Variants in ARID1B observed in about 807,000 individuals in gnomAD.
The protein encoded by ARID1B is AT-rich interactive domain-containing protein 1B.
Under a neutral mutation model 212.3 loss-of-function variants are expected in ARID1B, and 30 were observed. That is an observed-to-expected ratio of 0.14 (90% CI 0.11 to 0.19). The LOEUF is 0.19. Ranked by LOEUF, ARID1B falls within the 10% of genes least tolerant of loss-of-function variation. ARID1B has a pLI of 1.00. For synonymous variants in ARID1B, 1,402 were observed against 1,301.7 expected, an observed-to-expected ratio of 1.08 and a Z score of -1.66; for missense variants, 2,891 against 3,204.0, an observed-to-expected ratio of 0.90 and a Z score of 2.36.
chr6:156,827,754 C>CTTTTTTT (rs532857305), intron 1 of ARID1B, among the ~76,000 whole-genome samples: 5 of 68,450 alleles, frequency 7.3e-5, no homozygotes, highest in Admixed American at 2.1e-4. Flanking sequence ...CCTGGTAATT[C>CTTTTTTT]TTTTTTTTTT....
intron 8 of ARID1B, among the ~76,000 whole-genome samples, chr6:157,164,063 G>A (rs990783962): frequency 6.6e-6 from 1 of 152,156 alleles, no homozygotes; most frequent in Non-Finnish European, 1.5e-5. Context: ...CCTAGAATGT[G>A]CACCAGGCAT....
intron 4 of ARID1B, among the ~76,000 whole-genome samples, chr6:156,979,418 C>A (rs1405688830): frequency 6.6e-6 from 1 of 152,108 alleles, no homozygotes; most frequent in Non-Finnish European, 1.5e-5. Context: ...TTTGGGAGGA[C>A]AGGACAATGC....
At chr6:157,124,666 A>AT (rs1788015590) in intron 6 of ARID1B, among the ~76,000 whole-genome samples, 1 of 152,218 alleles carries the variant, frequency 6.6e-6, no homozygotes, top group Non-Finnish European at 1.5e-5. Flanking sequence ...ACTGTACATA[A>AT]TAAGGGTCAA....
chr6:156,841,879 C>G (rs186829871), intron 2 of ARID1B, among the ~76,000 whole-genome samples: 44 of 152,180 alleles, frequency 2.9e-4, no homozygotes, highest in South Asian at 1.0e-3. Context: ...CATTTCAGTT[C>G]CTTAGCGCCT....
chr6:156,930,373 A>G (rs1036930554), intron 3 of ARID1B, among the ~76,000 whole-genome samples: 5 of 152,136 alleles, frequency 3.3e-5, no homozygotes, highest in South Asian at 2.1e-4. Context: ...GCCTTCCACC[A>G]TGATTGGAAG....
chr6:156,982,555 G>T (rs1465574215), intron 4 of ARID1B, among the ~76,000 whole-genome samples: 2 of 151,312 alleles, frequency 1.3e-5, no homozygotes, highest in African/African-American at 2.4e-5. Context: ...TTATTCTGGT[G>T]CTCCTGGGTG....
chr6:156,991,254 G>T (rs1470646244), intron 4 of ARID1B, among the ~76,000 whole-genome samples: 1 of 152,126 alleles, frequency 6.6e-6, no homozygotes, highest in African/African-American at 2.4e-5. Flanking sequence ...TTTTTGAGAC[G>T]GAGTTTCTCT....
At chr6:156,981,801 G>A (rs1407402486) in intron 4 of ARID1B, among the ~76,000 whole-genome samples, 4 of 150,090 alleles carry the variant, frequency 2.7e-5, no homozygotes, top group Admixed American at 2.7e-4. Context: ...TCATTACCTC[G>A]TTTTTTTTTC....
intron 4 of ARID1B, among the ~76,000 whole-genome samples, chr6:156,990,645 G>GAACA (rs1000124883): frequency 5.3e-5 from 8 of 151,876 alleles, no homozygotes; most frequent in East Asian, 2.0e-4. Context: ...GTCTCAAAAC[G>GAACA]AACAAACAAA....
chr6:156,957,136 G>T (rs967106953), intron 4 of ARID1B, among the ~76,000 whole-genome samples: 1 of 152,196 alleles, frequency 6.6e-6, no homozygotes, highest in Non-Finnish European at 1.5e-5. Flanking sequence ...CTGTTGCAGG[G>T]TTTGGCATGT....
At chr6:156,827,039 G>A (rs1410420227) in intron 1 of ARID1B, among the ~76,000 whole-genome samples, 1 of 152,068 alleles carries the variant, frequency 6.6e-6, no homozygotes, top group African/African-American at 2.4e-5. Flanking sequence ...CAATTAATGT[G>A]CTGGGTACAC....
At chr6:156,830,513 G>A (rs1783073676) in intron 2 of ARID1B, among the ~76,000 whole-genome samples, 1 of 152,054 alleles carries the variant, frequency 6.6e-6, no homozygotes, top group African/African-American at 2.4e-5. Context: ...TCATCAGTAG[G>A]TTGCTTCTGA....
At chr6:156,782,271 T>C (rs142395691) in intron 1 of ARID1B, among the ~76,000 whole-genome samples, 13 of 152,186 alleles carry the variant, frequency 8.5e-5, no homozygotes, top group Admixed American at 8.5e-4. Context: ...TTAATATGTT[T>C]TTAGTTTCAT....
chr6:156,923,878 TTGTAGAGACAGG>T, intron 3 of ARID1B, among the ~76,000 whole-genome samples: 3 of 152,086 alleles, frequency 2.0e-5, no homozygotes, highest in Non-Finnish European at 4.4e-5. Context: ...CAGCTAATTT[TTGTAGAGACAGG>T]TTTCACCGCG....
chr6:156,931,360 CCTG>C (rs1280001370), intron 3 of ARID1B, among the ~76,000 whole-genome samples: 1 of 152,144 alleles, frequency 6.6e-6, no homozygotes, highest in Non-Finnish European at 1.5e-5. Flanking sequence ...CAGAAGCACT[CCTG>C]CTCCTGGCCT....
intron 4 of ARID1B, among the ~76,000 whole-genome samples, chr6:157,016,246 A>T (rs184197923): frequency 0.014 from 2,085 of 152,222 alleles, 35 homozygotes; most frequent in African/African-American, 0.045. Context: ...TTCAGTTTTT[A>T]AAAAAAGAGC....
chr6:157,043,927 T>C (rs1782051738), intron 4 of ARID1B, among the ~76,000 whole-genome samples: 1 of 152,238 alleles, frequency 6.6e-6, no homozygotes, highest in Non-Finnish European at 1.5e-5. Flanking sequence ...ACTCTACTTC[T>C]TTCCACTGCT....
chr6:157,084,642 T>TA lies in ARID1B; in HGVS notation c.2248-19dup. 3 of 1,612,554 alleles carry TA rather than the reference T, an allele frequency of 1.9e-6. No individual in the cohort carries two copies. In the East Asian group the frequency reaches 6.7e-5, roughly 36 times the overall value. On this transcript the variant is annotated intron_variant, in intron 4 of 19. Transcript: ENST00000636930. The stretch of plus-strand genomic sequence containing the variant: ...TCATCCAAACGTGTCACTCTATAAA[T>TA]ACATCTTTTCCTTTCTTAGGATCTG...
chr6:156,988,236 C>A (rs927218561), intron 4 of ARID1B, among the ~76,000 whole-genome samples: 1 of 152,180 alleles, frequency 6.6e-6, no homozygotes, highest in Admixed American at 6.5e-5. Context: ...AAAAAACAGA[C>A]CAGTAATATG....
Sources: allele counts gnomAD v4.1 joint callset (sites outside exome capture counted in the v4.1 genomes callset), GRCh38; gene constraint gnomAD v4.1.1; transcripts MANE v1.5; gene names NCBI Gene and HGNC (gene_info 2026-07-23, HGNC 2026-07-21).